Variants in OTUD7A observed in about 807,000 individuals in gnomAD.
The protein encoded by OTUD7A is OTU deubiquitinase 7A.
A neutral mutation model predicts 65.7 loss-of-function variants in OTUD7A; 12 were observed. That is an observed-to-expected ratio of 0.18 (90% CI 0.12 to 0.30). The LOEUF (loss-of-function observed/expected upper bound fraction) is 0.30, where lower values mean the gene tolerates loss of function less well. Ranked by LOEUF, OTUD7A falls within the 10% of genes least tolerant of loss-of-function variation. The pLI is 1.00. For missense variants in OTUD7A, 1,148 were observed against 1,304.8 expected, an observed-to-expected ratio of 0.88 and a Z score of 1.85; for synonymous variants, 641 against 586.3, an observed-to-expected ratio of 1.09 and a Z score of -1.35.
chr15:31,517,770 C>T (rs575500829), intron 8 of OTUD7A, among the ~76,000 whole-genome samples: 2 of 152,250 alleles, frequency 1.3e-5, no homozygotes, highest in South Asian at 4.1e-4. Flanking sequence ...CCTGGCAGGA[C>T]CAAGAAGCAA....
intron 3 of OTUD7A, among the ~76,000 whole-genome samples, chr15:31,618,408 G>A (rs757784163): frequency 1.3e-5 from 2 of 152,180 alleles, no homozygotes; most frequent in Non-Finnish European, 2.9e-5. Flanking sequence ...ATGTAAAAGT[G>A]TTCCTATTTC....
At chr15:31,619,218 A>G (rs1890695036) in intron 3 of OTUD7A, among the ~76,000 whole-genome samples, 1 of 152,180 alleles carries the variant, frequency 6.6e-6, no homozygotes, top group Non-Finnish European at 1.5e-5. Flanking sequence ...TGATGCCTCC[A>G]GCTTTGTTCT....
chr15:31,624,603 A>G (rs1890895553), intron 3 of OTUD7A, among the ~76,000 whole-genome samples: 1 of 152,222 alleles, frequency 6.6e-6, no homozygotes, highest in Non-Finnish European at 1.5e-5. Flanking sequence ...GGAAATATTC[A>G]TAACTGTCCT....
At chr15:31,629,507 G>T (rs968676012) in intron 3 of OTUD7A, among the ~76,000 whole-genome samples, 20 of 152,278 alleles carry the variant, frequency 1.3e-4, no homozygotes, top group Non-Finnish European at 2.1e-4. Flanking sequence ...GTATTTTATT[G>T]AGGATTTTTG....
At chr15:31,641,764 G>A (rs1394126929) in intron 3 of OTUD7A, among the ~76,000 whole-genome samples, 2 of 152,090 alleles carry the variant, frequency 1.3e-5, no homozygotes, top group Non-Finnish European at 2.9e-5. Context: ...TATTGGTTTT[G>A]TATCTTACAA....
intron 1 of OTUD7A, among the ~76,000 whole-genome samples, chr15:31,676,287 A>T (rs1353956018): frequency 6.6e-6 from 1 of 151,944 alleles, no homozygotes; most frequent in African/African-American, 2.4e-5. Flanking sequence ...TTGCCAACAG[A>T]CCTTTGCTTT....
intron 1 of OTUD7A, among the ~76,000 whole-genome samples, chr15:31,795,996 C>T (rs1444245528): frequency 6.6e-6 from 1 of 152,180 alleles, no homozygotes; most frequent in East Asian, 1.9e-4. Context: ...GACCCTGCAT[C>T]ATCCTCGTTT....
intron 8 of OTUD7A, among the ~76,000 whole-genome samples, chr15:31,508,918 G>T (rs972736290): frequency 4.6e-5 from 7 of 152,266 alleles, no homozygotes; most frequent in African/African-American, 1.7e-4. Flanking sequence ...GTGGCCTTGG[G>T]GATGAGGGGC....
intron 1 of OTUD7A, among the ~76,000 whole-genome samples, chr15:31,851,087 T>C (rs1897412903): frequency 6.6e-6 from 1 of 152,222 alleles, no homozygotes; most frequent in Non-Finnish European, 1.5e-5. Context: ...AAGTAAACAG[T>C]ATGGCAATAT....
intron 3 of OTUD7A, among the ~76,000 whole-genome samples, chr15:31,648,358 A>G (rs1440116473): frequency 6.6e-6 from 1 of 152,240 alleles, no homozygotes; most frequent in Admixed American, 6.5e-5. Flanking sequence ...GTTCCCACAG[A>G]GACTAAAGAT....
Position 31,484,423 on chromosome 15 carries a change from C to A in OTUD7A, c.1673G>T (p.Gly558Val). ...GKMGRANSAN[G>V]KNGDSAERGK... The stretch of plus-strand genomic sequence containing the variant: ...CCGCTCGGCCGAGTCCCCGTTCTTG[C>A]CATTGGCGGAGTTGGCGCGGCCCAT... The change falls in exon 13 of 13, where the codon GGC (glycine) becomes GTC (valine). Residue 558 changes from glycine to valine, a missense_variant. By Grantham distance (109) the Gly-to-Val change is moderately radical. Transcript: ENST00000307050. The surrounding 1 kb of genome is among the most constrained non-coding windows in gnomAD (Gnocchi z 4.5). 6.2e-7 allele frequency: 1 copy of A among 1,602,746 alleles called. No individual in the cohort carries two copies. The highest frequency in any genetic ancestry group is 8.5e-7 in the Non-Finnish European group (1 of 1,179,872).
At chr15:31,868,596 C>T (rs1897941285) in intron 1 of OTUD7A, among the ~76,000 whole-genome samples, 1 of 152,184 alleles carries the variant, frequency 6.6e-6, no homozygotes, top group Non-Finnish European at 1.5e-5. Flanking sequence ...TCTCATCTCA[C>T]TTAGGCACAC....
At chr15:31,792,256 A>G (rs1193435109) in intron 1 of OTUD7A, among the ~76,000 whole-genome samples, 1 of 152,068 alleles carries the variant, frequency 6.6e-6, no homozygotes, top group Non-Finnish European at 1.5e-5. Flanking sequence ...CCTGACTGAC[A>G]CCCCTGACTA....
At position 31,647,909 on chromosome 15, in the gene OTUD7A, G is replaced by A. The variant is rs116464950; in HGVS notation, c.151+7187C>T. Among the ~76,000 whole-genome samples the A allele has an allele frequency of 8.9e-3, 1,351 of 151,672 alleles. 28 individuals carry two copies. The highest frequency in any genetic ancestry group is 0.031 in the African/African-American group (1,301 of 41,474). On this transcript the variant is annotated intron_variant, in intron 3 of 12. Coordinates refer to ENST00000307050, the MANE Select transcript of OTUD7A (RefSeq NM_001382637.1). ...GGGGGAGGAGCAGCAGGAGCAATGG[G>A]CGGAGGCAGAAGCACAGAGGTGGGT...
intron 8 of OTUD7A, among the ~76,000 whole-genome samples, chr15:31,521,729 T>G (rs2041940103): frequency 6.6e-6 from 1 of 152,172 alleles, no homozygotes; most frequent in African/African-American, 2.4e-5. Context: ...AAACACATTG[T>G]CAGTGAAATT....
chr15:31,495,492 G>C (rs1205655926), intron 10 of OTUD7A, among the ~76,000 whole-genome samples: 1 of 152,154 alleles, frequency 6.6e-6, no homozygotes, highest in African/African-American at 2.4e-5. Context: ...CTAAAAGTCT[G>C]GATGCCCCCA....
intron 3 of OTUD7A, among the ~76,000 whole-genome samples, chr15:31,634,818 T>C (rs1185628559): frequency 6.6e-6 from 1 of 152,226 alleles, no homozygotes; most frequent in African/African-American, 2.4e-5. Flanking sequence ...CCTTTTTTCC[T>C]GAAGGTTTCT....
At chr15:31,727,987 C>T (rs372675716) in intron 1 of OTUD7A, among the ~76,000 whole-genome samples, 4 of 152,306 alleles carry the variant, frequency 2.6e-5, no homozygotes, top group East Asian at 1.9e-4. Context: ...ATCACCCAAA[C>T]GCCAACACTT....
At chr15:31,598,475 A>G (rs1318826918) in intron 3 of OTUD7A, among the ~76,000 whole-genome samples, 3 of 152,134 alleles carry the variant, frequency 2.0e-5, no homozygotes, top group South Asian at 4.1e-4. Flanking sequence ...TCCGGCCCAG[A>G]TACTGCACTT....
Sources: gnomAD v4.1 joint callset for allele counts (sites outside exome capture counted in the v4.1 genomes callset) on GRCh38, gnomAD v4.1.1 for gene constraint, Gnocchi (gnomAD v3.1) non-coding constraint, MANE v1.5 for transcripts, NCBI Gene and HGNC (gene_info 2026-07-23, HGNC 2026-07-21) for gene names.